PAX8: variants seen among roughly 807,000 people sequenced by gnomAD.
The protein encoded by PAX8 is paired box 8.
In PAX8, 15 loss-of-function variants were observed where a neutral mutation model predicts 52.4. The observed-to-expected ratio is 0.29, with a 90% CI of 0.19 to 0.44. The LOEUF (loss-of-function observed/expected upper bound fraction) is 0.44. Among genes scored for constraint, PAX8 ranks in the 20% least tolerant of loss-of-function variants. PAX8 has a pLI of 1.00. For missense variants in PAX8, 554 were observed against 602.5 expected (o/e 0.92, Z 0.84); for synonymous variants, 284 against 249.7 (o/e 1.14, Z -1.29).
intron 10 of PAX8, 41 bp from the exon 11 acceptor site, chr2:113,220,219 G>A (rs1238681234): frequency 4.1e-6 from 6 of 1,477,452 alleles, no homozygotes; most frequent in Non-Finnish European, 2.8e-6. Context: ...GAGGTGAAGG[G>A]CATCAATGCA....
intron 2 of PAX8, among the ~76,000 whole-genome samples, chr2:113,257,477 A>T (rs989991124): frequency 6.6e-6 from 1 of 152,104 alleles, no homozygotes; most frequent in Non-Finnish European, 1.5e-5. Flanking sequence ...TTCCAATCGA[A>T]TGTGATATTT....
In PAX8 at chr2:113,236,610, C is replaced by T. The variant is rs773303476; in HGVS notation, c.889G>A (p.Val297Met). Residue 297 changes from valine to methionine, a missense_variant, in exon 8 of 12, where the codon GTG becomes ATG. This residue lies in a region of PAX8 where 445 missense variants were observed against 409.9 expected (regional missense o/e 1.09). Transcript: ENST00000429538. ...RNLSTHQTYP[V>M]VADPHSPFAI... Reference sequence around the variant, plus strand: ...GCTCCGGGCGTTGTACCTGCCACCACGGGGTAGGTCTGGTGAGTCGAGAGG... The same window carrying T: ...GCTCCGGGCGTTGTACCTGCCACCATGGGGTAGGTCTGGTGAGTCGAGAGG... 1.3e-6 allele frequency: 2 copies of T among 1,581,422 alleles called. No homozygotes were observed. Among genetic ancestry groups the T allele is most frequent in the African/African-American group, 2.7e-5 (2 of 74,348 alleles).
At chr2:113,258,043 G>T (rs934296203) in intron 2 of PAX8, among the ~76,000 whole-genome samples, 1 of 152,032 alleles carries the variant, frequency 6.6e-6, no homozygotes, top group African/African-American at 2.4e-5. Flanking sequence ...ACCCACCTCC[G>T]GCGCCACCCC....
intron 2 of PAX8, chr2:113,271,096 T>C (rs59641602): frequency 0.042 from 6,401 of 152,320 alleles, 219 homozygotes; most frequent in South Asian, 0.14. Flanking sequence ...AGAGGGATCC[T>C]GAGGAAGTGG....
chr2:113,220,217 G>C, intron 10 of PAX8, 39 bp from the exon 11 acceptor site: 1 of 1,492,028 alleles, frequency 6.7e-7, no homozygotes, highest in South Asian at 1.1e-5. Context: ...GTGAGGTGAA[G>C]GGCATCAATG....
At chr2:113,278,770 C>T (rs1694006389) in intron 1 of PAX8, 61 bp downstream of exon 1, 1 of 866,710 alleles carries the variant, frequency 1.2e-6, no homozygotes, top group Non-Finnish European at 1.5e-6. Flanking sequence ...GGACCCTCTC[C>T]TTTCTTCCAT....
chr2:113,231,711 C>A (rs1313762646), intron 9 of PAX8, among the ~76,000 whole-genome samples: 1 of 152,102 alleles, frequency 6.6e-6, no homozygotes, highest in Admixed American at 6.5e-5. Flanking sequence ...GTGGCCTCAA[C>A]TTCCTTCTCT....
intron 5 of PAX8, 149 bp from the exon 6 acceptor site, chr2:113,242,279 G>T: frequency 1.5e-6 from 1 of 660,222 alleles, no homozygotes. Flanking sequence ...TTACAGCCCT[G>T]GGGTGACTCT....
chr2:113,228,227 C>T (rs1689697206), intron 9 of PAX8, among the ~76,000 whole-genome samples: 1 of 152,212 alleles, frequency 6.6e-6, no homozygotes, highest in Admixed American at 6.5e-5. Flanking sequence ...CTGTGTCCTG[C>T]AGGCCCCAAT....
At chr2:113,256,584 A>C (rs564373965) in intron 2 of PAX8, among the ~76,000 whole-genome samples, 79 of 151,494 alleles carry the variant, frequency 5.2e-4, no homozygotes, top group African/African-American at 1.7e-3. Context: ...ATATATATAC[A>C]TATTCCATAT....
chr2:113,255,233 G>A (rs1573503181), intron 2 of PAX8, among the ~76,000 whole-genome samples: 1 of 54,004 alleles, frequency 1.9e-5, no homozygotes, highest in Non-Finnish European at 3.6e-5. Context: ...GGAGGGAGGG[G>A]AGGAGGGAGG....
chr2:113,219,896 G>A (rs1416924824), intron 11 of PAX8, among the ~76,000 whole-genome samples, 196 bp downstream of exon 11: 5 of 152,170 alleles, frequency 3.3e-5, no homozygotes, highest in African/African-American at 1.2e-4. Context: ...GAAGCCTCTG[G>A]ACTTCTGCCC....
chr2:113,232,026 G>A (rs1183647470), intron 9 of PAX8, among the ~76,000 whole-genome samples: 1 of 152,100 alleles, frequency 6.6e-6, no homozygotes, highest in Non-Finnish European at 1.5e-5. Flanking sequence ...TTGGGCCCAG[G>A]TTCCTTCTCT....
intron 2 of PAX8, chr2:113,270,935 T>C (rs1343269833): frequency 6.6e-6 from 1 of 152,230 alleles, no homozygotes; most frequent in Non-Finnish European, 1.5e-5. Context: ...AGAGAGGTTT[T>C]CATCTGAGAG....
At chr2:113,262,197 G>A (rs1692735410) in intron 2 of PAX8, among the ~76,000 whole-genome samples, 2 of 151,310 alleles carry the variant, frequency 1.3e-5, no homozygotes, top group African/African-American at 2.4e-5. Context: ...TTTATTTTTT[G>A]TAGAGAGGTG....
At chr2:113,229,710 A>G (rs1201553708) in intron 9 of PAX8, among the ~76,000 whole-genome samples, 1 of 152,228 alleles carries the variant, frequency 6.6e-6, no homozygotes. Context: ...CTGAGATAAA[A>G]TCTGAGCTTT....
At chr2:113,269,709 A>G (rs1370892415) in intron 2 of PAX8, 1 of 152,198 alleles carries the variant, frequency 6.6e-6, no homozygotes, top group African/African-American at 2.4e-5. Context: ...AGGGAGGGAG[A>G]GAGAAGAAAG....
At chr2:113,276,291 G>T (rs1198672670) in intron 2 of PAX8, 1 of 152,216 alleles carries the variant, frequency 6.6e-6, no homozygotes, top group East Asian at 1.9e-4. Context: ...AGCGCCTTCA[G>T]CAGTCTATGC....
intron 2 of PAX8, among the ~76,000 whole-genome samples, chr2:113,247,416 A>G (rs1340618944): frequency 2.0e-5 from 3 of 152,200 alleles, no homozygotes; most frequent in Non-Finnish European, 4.4e-5. Flanking sequence ...ATTGAGAAAA[A>G]AAAATACAAA....
Sources: allele counts gnomAD v4.1 joint callset (sites outside exome capture counted in the v4.1 genomes callset), GRCh38; gene constraint gnomAD v4.1.1; regional missense constraint gnomAD v4.1.1; transcripts MANE v1.5; gene names NCBI Gene and HGNC (gene_info 2026-07-23, HGNC 2026-07-21).